The following NAALADL2 variants were observed in gnomAD, a reference collection of about 807,000 sequenced individuals.
NAALADL2 encodes N-acetylated alpha-linked acidic dipeptidase like 2.
In NAALADL2, 76 loss-of-function variants were observed where a neutral mutation model predicts 87.2. That is an observed-to-expected ratio of 0.87 (90% confidence interval 0.72 to 1.05). NAALADL2 has a LOEUF of 1.05. Ranked by LOEUF, NAALADL2 falls within the 50% of genes least tolerant of loss-of-function variation. The probability of loss-of-function intolerance (pLI) is 0.00; values close to 1 mark genes in which losing one functional copy is unlikely to be tolerated. For synonymous variants in NAALADL2, 354 were observed against 331.0 expected, an observed-to-expected ratio of 1.07 and a Z score of -0.75; for missense variants, 1,089 against 945.8, an observed-to-expected ratio of 1.15 and a Z score of -1.99.
At chr3:175,159,365 G>T (rs1394874464) in intron 2 of NAALADL2, among the ~76,000 whole-genome samples, 2 of 152,150 alleles carry the variant, frequency 1.3e-5, no homozygotes, top group Non-Finnish European at 2.9e-5. Context: ...AGTAGTGTGT[G>T]TGTCTGAGCC....
chr3:175,319,645 G>A (rs1041618721), intron 4 of NAALADL2, among the ~76,000 whole-genome samples: 1 of 152,058 alleles, frequency 6.6e-6, no homozygotes, highest in Non-Finnish European at 1.5e-5. Flanking sequence ...CAAGGTGAAA[G>A]CACGTATCTA....
chr3:174,529,457 G>T (rs1307238738), intron 1 of NAALADL2, among the ~76,000 whole-genome samples: 5 of 152,178 alleles, frequency 3.3e-5, no homozygotes, highest in African/African-American at 1.2e-4. Context: ...CCATTCTGAG[G>T]TCTGGAGGAT....
rs183344406 is a variant in NAALADL2 at position 175,709,174 on chromosome 3, T to G, written c.1897-28132T>G. On this transcript the variant is annotated intron_variant, in intron 11 of 13. Coordinates refer to ENST00000454872, the MANE Select transcript of NAALADL2 (RefSeq NM_207015.3). ...TTTAAAATGGTTAATACCACAAATA[T>G]TTTCCTCAGAATTATATTGCACTCA... Among the ~76,000 whole-genome samples, 109 of 152,144 alleles carry G rather than the reference T, an allele frequency of 7.2e-4. No individual in the cohort carries two copies. The Middle Eastern group carries it at 0.014, about 19-fold the overall frequency.
chr3:175,381,327 T>TA (rs1351085522), intron 5 of NAALADL2, among the ~76,000 whole-genome samples: 1 of 151,628 alleles, frequency 6.6e-6, no homozygotes. Context: ...GGAAAGCAAA[T>TA]AAATGCAGTA....
intron 2 of NAALADL2, among the ~76,000 whole-genome samples, chr3:175,231,518 T>C (rs1744935567): frequency 1.3e-5 from 2 of 152,122 alleles, no homozygotes; most frequent in Non-Finnish European, 2.9e-5. Flanking sequence ...AAATTACTAA[T>C]TCTTCAGTTG....
At chr3:175,518,411 C>G (rs1732178479) in intron 9 of NAALADL2, among the ~76,000 whole-genome samples, 2 of 152,326 alleles carry the variant, frequency 1.3e-5, no homozygotes, top group South Asian at 4.1e-4. Flanking sequence ...CTTCTTTACT[C>G]TTATAGCATG....
intron 5 of NAALADL2, among the ~76,000 whole-genome samples, chr3:175,346,895 A>G (rs996129272): frequency 3.9e-5 from 6 of 152,364 alleles, no homozygotes; most frequent in Middle Eastern, 3.4e-3. Flanking sequence ...CAAAATAAAA[A>G]TAATAACTAC....
intron 11 of NAALADL2, among the ~76,000 whole-genome samples, chr3:175,716,266 TATATATA>T (rs1741256027): frequency 7.7e-6 from 1 of 130,676 alleles, no homozygotes; most frequent in Admixed American, 7.3e-5. Context: ...ATGTATATAA[TATATATA>T]ATATATATTA....
At chr3:175,558,501 C>G (rs1715730616) in intron 9 of NAALADL2, among the ~76,000 whole-genome samples, 2 of 152,054 alleles carry the variant, frequency 1.3e-5, no homozygotes, top group South Asian at 4.1e-4. Flanking sequence ...TTCGCCCTGT[C>G]CAATGTCCTG....
intron 2 of NAALADL2, among the ~76,000 whole-genome samples, chr3:174,613,285 A>G (rs1387253354): frequency 1.3e-5 from 2 of 152,284 alleles, no homozygotes; most frequent in East Asian, 3.9e-4. Flanking sequence ...GCTGAAAGTC[A>G]TCTCTGTTTT....
chr3:175,038,217 T>A (rs749734320), intron 1 of NAALADL2, among the ~76,000 whole-genome samples: 1 of 152,172 alleles, frequency 6.6e-6, no homozygotes, highest in Non-Finnish European at 1.5e-5. Flanking sequence ...ATGAAACATA[T>A]TTATTTGCTA....
chr3:175,696,791 A>G (rs1469854100), intron 11 of NAALADL2, among the ~76,000 whole-genome samples: 23 of 152,152 alleles, frequency 1.5e-4, no homozygotes, highest in Non-Finnish European at 1.5e-5. Context: ...GCAGCTGGGA[A>G]GTCCAAGAAC....
At chr3:175,009,574 A>AG in intron 1 of NAALADL2, among the ~76,000 whole-genome samples, 1 of 152,170 alleles carries the variant, frequency 6.6e-6, no homozygotes, top group African/African-American at 2.4e-5. Flanking sequence ...CCTTTGGAAG[A>AG]AGTTAAAATG....
intron 1 of NAALADL2, among the ~76,000 whole-genome samples, chr3:174,526,154 T>G (rs1720725722): frequency 6.6e-6 from 1 of 152,178 alleles, no homozygotes; most frequent in Admixed American, 6.5e-5. Flanking sequence ...ACTTACCAGT[T>G]GAGGCTTATA....
intron 13 of NAALADL2, among the ~76,000 whole-genome samples, chr3:175,789,554 G>A (rs1305186686): frequency 1.3e-5 from 2 of 152,098 alleles, no homozygotes; most frequent in African/African-American, 2.4e-5. Context: ...GTTGTTTTCA[G>A]GTTATTGGAT....
At chr3:175,449,998 A>C (rs1188037866) in intron 6 of NAALADL2, among the ~76,000 whole-genome samples, 11 of 152,230 alleles carry the variant, frequency 7.2e-5, no homozygotes, top group Non-Finnish European at 1.5e-5. Flanking sequence ...AATACAGAAT[A>C]TACATTTAAA....
intron 12 of NAALADL2, among the ~76,000 whole-genome samples, chr3:175,738,375 C>G (rs1252055605): frequency 6.6e-6 from 1 of 151,980 alleles, no homozygotes; most frequent in Non-Finnish European, 1.5e-5. Flanking sequence ...AGCCTCCCAA[C>G]TAGCTGGAAC....
chr3:174,566,551 A>T (rs987614876), intron 2 of NAALADL2, among the ~76,000 whole-genome samples: 4 of 151,250 alleles, frequency 2.6e-5, no homozygotes, highest in Non-Finnish European at 5.9e-5. Flanking sequence ...TCATATATAG[A>T]CTGTTTTTCC....
At position 174,594,740 on chromosome 3, in the gene NAALADL2, G is replaced by C. The variant is rs190619591; in HGVS notation, c.-115+44103G>C. Among the ~76,000 whole-genome samples the C allele has an allele frequency of 4.7e-3, 716 of 152,310 alleles. 5 individuals carry two copies. Among genetic ancestry groups the C allele is most frequent in the African/African-American group, 0.017 (689 of 41,578 alleles). ...TGGAGGTTCTGATTTAGCTGGCCTAGAGTGGGGCATAGAAATATATGTTTT... is the reference window on the plus strand; with the variant it reads ...TGGAGGTTCTGATTTAGCTGGCCTACAGTGGGGCATAGAAATATATGTTTT... On this transcript the variant is annotated intron_variant, in intron 2 of 3. Transcript: ENST00000434257.
Sources: gnomAD v4.1 joint callset for allele counts (sites outside exome capture counted in the v4.1 genomes callset) on GRCh38, gnomAD v4.1.1 for gene constraint, MANE v1.5 for transcripts, NCBI Gene and HGNC (gene_info 2026-07-23, HGNC 2026-07-21) for gene names.